Variants in PROCR observed in about 807,000 individuals in gnomAD.
PROCR encodes endothelial protein C receptor.
In PROCR, 22 loss-of-function variants were observed where a neutral mutation model predicts 24.2. That is an observed-to-expected ratio of 0.91 (90% CI 0.65 to 1.30). PROCR has a LOEUF of 1.30. Among genes scored for constraint, PROCR ranks in the 50% most tolerant of loss-of-function variants. The probability of loss-of-function intolerance (pLI) is 0.00; values close to 1 mark genes in which losing one functional copy is unlikely to be tolerated. For synonymous variants in PROCR, 137 were observed against 139.2 expected (o/e 0.98, Z 0.11); for missense variants, 288 against 307.7 (o/e 0.94, Z 0.48).
downstream of PROCR, among the ~76,000 whole-genome samples, chr20:35,181,338 G>A (rs1373389373): frequency 2.0e-5 from 3 of 151,608 alleles, no homozygotes; most frequent in East Asian, 3.9e-4. Flanking sequence ...AAAGTGGTGC[G>A]ATCTCTGCTC....
chr20:35,209,890 G>C (rs1170610378), intron 1 of PROCR, among the ~76,000 whole-genome samples: 6 of 152,158 alleles, frequency 3.9e-5, no homozygotes, highest in African/African-American at 1.4e-4. Flanking sequence ...TGAACCAGTG[G>C]TCTTCATAGT....
At chr20:35,181,574 C>G (rs2086079787), downstream of PROCR, among the ~76,000 whole-genome samples, 1 of 152,142 alleles carries the variant, frequency 6.6e-6, no homozygotes, top group African/African-American at 2.4e-5. Flanking sequence ...TGCCCGGCCC[C>G]TCAAATTTTA....
At chr20:35,198,856 A>G (rs753815054) in intron 1 of PROCR, among the ~76,000 whole-genome samples, 2 of 152,066 alleles carry the variant, frequency 1.3e-5, no homozygotes, top group Non-Finnish European at 2.9e-5. Context: ...TTGGGACTAC[A>G]GGTGTACACC....
intron 1 of PROCR, among the ~76,000 whole-genome samples, chr20:35,193,951 T>C (rs1335677440): frequency 2.6e-5 from 4 of 152,116 alleles, no homozygotes; most frequent in Admixed American, 2.6e-4. Flanking sequence ...AGGCTGGAAA[T>C]TGAGGAGAAA....
Position 35,177,172 on chromosome 20 carries a change from A to G in PROCR, c.*359A>G. 8.8e-7 allele frequency: 1 copy of G among 1,136,276 alleles called. No homozygotes were observed. Among genetic ancestry groups the G allele is most frequent in the Non-Finnish European group, 1.1e-6 (1 of 916,932 alleles). 70.4% of individuals were successfully genotyped at this position (1,136,276 alleles called of 1,614,324 possible). Reference sequence around the variant, plus strand: ...AGGCGTTCAAAAGATATAACCAAATAAACAAGTCATCCACAATCAAAATAC... The same window carrying G: ...AGGCGTTCAAAAGATATAACCAAATGAACAAGTCATCCACAATCAAAATAC... On this transcript the variant is annotated 3_prime_UTR_variant, in exon 4 of 4. Transcript: ENST00000216968.
chr20:35,185,950 T>C (rs1223046668), intron 1 of PROCR, among the ~76,000 whole-genome samples: 1 of 152,196 alleles, frequency 6.6e-6, no homozygotes, highest in Admixed American at 6.5e-5. Context: ...GTGAAGAAAT[T>C]GGAACCCTCA....
intron 1 of PROCR, among the ~76,000 whole-genome samples, chr20:35,199,896 T>C (rs752553379): frequency 1.3e-5 from 2 of 152,130 alleles, no homozygotes; most frequent in East Asian, 3.8e-4. Context: ...GGGAGGAGGT[T>C]AAAAATATCA....
chr20:35,187,643 A>C (rs1226168438), intron 1 of PROCR, among the ~76,000 whole-genome samples: 1 of 152,270 alleles, frequency 6.6e-6, no homozygotes, highest in Admixed American at 6.5e-5. Context: ...CTGACCGTTT[A>C]GGGAGAAGAT....
downstream of PROCR, among the ~76,000 whole-genome samples, chr20:35,178,514 T>TTTTTTTTG (rs2086047239): frequency 2.1e-5 from 1 of 47,306 alleles, no homozygotes; most frequent in African/African-American, 1.8e-4. Context: ...TCAGTTTTTT[T>TTTTTTTTG]TTTTTTTTTT....
chr20:35,181,751 T>C (rs1231808893), downstream of PROCR, among the ~76,000 whole-genome samples: 2 of 152,200 alleles, frequency 1.3e-5, no homozygotes, highest in African/African-American at 4.8e-5. Context: ...CCCAAATCCT[T>C]ACTCCAGAGG....
At chr20:35,197,173 G>T (rs2086223268) in intron 1 of PROCR, among the ~76,000 whole-genome samples, 1 of 152,130 alleles carries the variant, frequency 6.6e-6, no homozygotes, top group Non-Finnish European at 1.5e-5. Flanking sequence ...GACCAGGCTG[G>T]TCTTGAACTC....
At chr20:35,198,546 G>A (rs1045119367) in intron 1 of PROCR, among the ~76,000 whole-genome samples, 1 of 152,146 alleles carries the variant, frequency 6.6e-6, no homozygotes, top group Non-Finnish European at 1.5e-5. Flanking sequence ...AGGGAAAGAA[G>A]CCATCTCCAG....
chr20:35,203,565 T>TGA (rs931760973), intron 1 of PROCR, among the ~76,000 whole-genome samples: 118 of 151,134 alleles, frequency 7.8e-4, no homozygotes, highest in African/African-American at 2.5e-3. Context: ...TGCAGTGAGC[T>TGA]GAGATCGCAC....
intron 1 of PROCR, among the ~76,000 whole-genome samples, chr20:35,196,681 A>G (rs777142832): frequency 2.0e-5 from 3 of 152,236 alleles, no homozygotes; most frequent in Non-Finnish European, 4.4e-5. Context: ...AAGAAAGCCT[A>G]AAAGAATTTG....
At chr20:35,193,034 CTA>C (rs1302584218) in intron 1 of PROCR, among the ~76,000 whole-genome samples, 2 of 152,050 alleles carry the variant, frequency 1.3e-5, no homozygotes, top group East Asian at 3.9e-4. Context: ...AAAGTATAAA[CTA>C]TATGATTACA....
rs774060495 is a variant in PROCR, at chr20:35,176,712, C to A, written c.616C>A (p.Arg206Ser). 3 of 1,611,572 alleles carry A rather than the reference C, an allele frequency of 1.9e-6. No individual in the cohort carries two copies. Among genetic ancestry groups the A allele is most frequent in the Non-Finnish European group, 2.5e-6 (3 of 1,178,930 alleles). ...AENTKGSQTSRSYTSLVLGVL... is the reference protein window; with the variant it reads ...AENTKGSQTSSSYTSLVLGVL... ...ATGTTCTGCAGGGAGCCAAACAAGCCGCTCCTACACTTCGCTGGTCCTGGG... is the reference window on the plus strand; with the variant it reads ...ATGTTCTGCAGGGAGCCAAACAAGCAGCTCCTACACTTCGCTGGTCCTGGG... The change falls in exon 4 of 4, where the codon CGC becomes AGC. Residue 206 changes from arginine (R) to serine (S), a missense_variant. Transcript: ENST00000216968.
intron 1 of PROCR, chr20:35,195,539 G>A (rs1054650147): frequency 2.0e-5 from 3 of 152,062 alleles, no homozygotes; most frequent in African/African-American, 7.2e-5. Flanking sequence ...ATGTGATGTT[G>A]GCCAGGAGTG....
In PROCR at chr20:35,177,003, T is replaced by G. The variant is rs940307637; in HGVS notation, c.*190T>G. The G allele has an allele frequency of 7.0e-6, 10 of 1,436,224 alleles. No individual in the cohort carries two copies. The African/African-American group carries it at 1.0e-4, about 14-fold the overall frequency. The allele number at this position is 1,436,224 out of a possible 1,614,324, so 89.0% of individuals were successfully genotyped here. Reference sequence around the variant, plus strand: ...TGGAGAGGAGAGGTGGACAAAGTACTTGGTTTGCTAAGAACCTAAGAACGT... The same window carrying G: ...TGGAGAGGAGAGGTGGACAAAGTACGTGGTTTGCTAAGAACCTAAGAACGT... On this transcript the variant is annotated 3_prime_UTR_variant, in exon 4 of 4. Transcript: ENST00000216968.
chr20:35,211,589 A>G (rs2060362811), intron 1 of PROCR, among the ~76,000 whole-genome samples: 1 of 152,188 alleles, frequency 6.6e-6, no homozygotes, highest in Non-Finnish European at 1.5e-5. Flanking sequence ...CAGCTGATTC[A>G]TTCTCTCAAC....
Sources: gnomAD v4.1 joint callset for allele counts (sites outside exome capture counted in the v4.1 genomes callset) on GRCh38, gnomAD v4.1.1 for gene constraint, MANE v1.5 for transcripts, NCBI Gene and HGNC (gene_info 2026-07-23, HGNC 2026-07-21) for gene names.